CNTNAP2: variants seen among roughly 807,000 people sequenced by gnomAD.
CNTNAP2 encodes contactin associated protein 2.
Under a neutral mutation model 155.2 loss-of-function variants are expected in CNTNAP2, and 98 were observed. That is an observed-to-expected ratio of 0.63 (90% CI 0.54 to 0.75). The LOEUF (loss-of-function observed/expected upper bound fraction) is 0.75, where lower values mean the gene tolerates loss of function less well. Ranked by LOEUF, CNTNAP2 falls within the 30% of genes least tolerant of loss-of-function variation. CNTNAP2 has a pLI of 0.00. For synonymous variants in CNTNAP2, 651 were observed against 631.2 expected (o/e 1.03, Z -0.47); for missense variants, 1,727 against 1,688.1 (o/e 1.02, Z -0.40).
intron 13 of CNTNAP2, among the ~76,000 whole-genome samples, chr7:147,641,813 C>T (rs995309): frequency 0.24 from 36,302 of 151,886 alleles, 4,653 homozygotes; most frequent in Middle Eastern, 0.29. Flanking sequence ...TCTTTCACTT[C>T]CCAGCCTCCA....
intron 14 of CNTNAP2, among the ~76,000 whole-genome samples, chr7:147,929,940 A>G (rs1800467151): frequency 6.6e-6 from 1 of 152,118 alleles, no homozygotes; most frequent in Non-Finnish European, 1.5e-5. Context: ...GCAGTTCACA[A>G]TGGGGCTCAA....
chr7:147,818,713 G>A (rs866718267), intron 13 of CNTNAP2, among the ~76,000 whole-genome samples: 2 of 152,142 alleles, frequency 1.3e-5, no homozygotes, highest in South Asian at 2.1e-4. Flanking sequence ...AAGCTTGTGT[G>A]CACTTTTCCC....
chr7:148,237,398 A>T (rs926335906), intron 20 of CNTNAP2, among the ~76,000 whole-genome samples: 1 of 152,220 alleles, frequency 6.6e-6, no homozygotes, highest in African/African-American at 2.4e-5. Context: ...GAAGGATAAG[A>T]TGTTAACCTG....
intron 13 of CNTNAP2, among the ~76,000 whole-genome samples, chr7:147,888,282 T>C (rs1799632134): frequency 6.6e-6 from 1 of 152,032 alleles, no homozygotes; most frequent in East Asian, 1.9e-4. Flanking sequence ...CAAATAAACA[T>C]TACAGGAATA....
In CNTNAP2 at chr7:147,537,018, A is replaced by G. The variant is rs1228038360; in HGVS notation, c.1778-25120A>G. ...AATCTGACCCTTTTATTAAGATTCA[A>G]CCAGTTTCCTGCCTGCTCTATTCCA... On this transcript the variant is annotated intron_variant, in intron 11 of 23. Transcript: ENST00000361727. 2.0e-5 allele frequency among the ~76,000 whole-genome samples: 3 copies of G among 152,166 alleles called. No homozygotes were observed. In the East Asian group the frequency reaches 5.8e-4, roughly 29 times the overall value.
At chr7:147,664,789 T>G (rs761441848) in intron 13 of CNTNAP2, among the ~76,000 whole-genome samples, 1 of 152,152 alleles carries the variant, frequency 6.6e-6, no homozygotes, top group Non-Finnish European at 1.5e-5. Context: ...CTCTCACTCT[T>G]CCTCTTGCTA....
intron 14 of CNTNAP2, among the ~76,000 whole-genome samples, chr7:147,913,948 CA>C (rs1424088088): frequency 6.6e-6 from 1 of 151,646 alleles, no homozygotes; most frequent in African/African-American, 2.4e-5. Flanking sequence ...GAATTGCCAT[CA>C]AAACTTGAAC....
At chr7:146,342,833 A>G (rs957638105) in intron 1 of CNTNAP2, among the ~76,000 whole-genome samples, 3 of 152,194 alleles carry the variant, frequency 2.0e-5, no homozygotes, top group Admixed American at 6.5e-5. Context: ...ATTTTAGGGT[A>G]AGATATTATT....
chr7:148,021,354 G>A (rs1802276275), intron 15 of CNTNAP2, among the ~76,000 whole-genome samples: 1 of 152,210 alleles, frequency 6.6e-6, no homozygotes, highest in South Asian at 2.1e-4. Flanking sequence ...GGAAGACACA[G>A]TCTTGTAAAC....
chr7:147,889,545 T>TG (rs1799652984), intron 13 of CNTNAP2, among the ~76,000 whole-genome samples: 2 of 152,252 alleles, frequency 1.3e-5, no homozygotes, highest in South Asian at 4.1e-4. Context: ...GCATAAAAAT[T>TG]TCCAAATTAC....
chr7:148,113,472 C>A (rs895670608), intron 15 of CNTNAP2, among the ~76,000 whole-genome samples: 12 of 152,182 alleles, frequency 7.9e-5, no homozygotes, highest in African/African-American at 2.9e-4. Flanking sequence ...TTGGGGGTTA[C>A]AATTAGACAT....
chr7:146,959,212 G>A (rs1362532750), intron 3 of CNTNAP2, among the ~76,000 whole-genome samples: 3 of 151,848 alleles, frequency 2.0e-5, no homozygotes, highest in Non-Finnish European at 2.9e-5. Flanking sequence ...TACAGACAGC[G>A]TTTCACCATA....
chr7:147,063,582 A>G (rs1294385227), intron 4 of CNTNAP2, among the ~76,000 whole-genome samples: 2 of 152,098 alleles, frequency 1.3e-5, no homozygotes, highest in Non-Finnish European at 2.9e-5. Flanking sequence ...CAAGAAAGTA[A>G]AGAATGTCTA....
At chr7:146,949,501 T>A (rs1797265848) in intron 3 of CNTNAP2, among the ~76,000 whole-genome samples, 1 of 152,216 alleles carries the variant, frequency 6.6e-6, no homozygotes, top group Non-Finnish European at 1.5e-5. Context: ...CTTCTGCAGG[T>A]CTTTTTTCCA....
intron 1 of CNTNAP2, among the ~76,000 whole-genome samples, chr7:146,297,816 G>A (rs950787519): frequency 6.6e-6 from 1 of 152,052 alleles, no homozygotes; most frequent in Non-Finnish European, 1.5e-5. Flanking sequence ...GCTCTATCTG[G>A]TAACTTGTTT....
intron 3 of CNTNAP2, among the ~76,000 whole-genome samples, chr7:146,964,023 G>A (rs1288708655): frequency 6.6e-6 from 1 of 152,082 alleles, no homozygotes; most frequent in Non-Finnish European, 1.5e-5. Flanking sequence ...TGAACAACAA[G>A]CCATCTCAAT....
Position 147,137,901 on chromosome 7 carries a change from A to G in CNTNAP2, c.1348+5392A>G, listed in dbSNP as rs180690030. ...GATAGATAGATAGATAGATAGATAG[A>G]TAGATAGATAGATAGGTAGATAGAT... On this transcript the variant is annotated intron_variant, in intron 8 of 23. Transcript: ENST00000361727. 9.0e-3 allele frequency among the ~76,000 whole-genome samples: 1,196 copies of G among 132,292 alleles called. 9 individuals are homozygous for G. Among genetic ancestry groups the G allele is most frequent in the African/African-American group, 0.029 (1,120 of 39,070 alleles). The allele number at this position is 132,292 out of a possible 152,430, so 86.8% of individuals were successfully genotyped here.
At chr7:147,862,509 C>T (rs916079897) in intron 13 of CNTNAP2, among the ~76,000 whole-genome samples, 6 of 152,052 alleles carry the variant, frequency 3.9e-5, no homozygotes, top group Admixed American at 6.6e-5. Context: ...AGAGGGCAGT[C>T]GGGAGAAAAT....
chr7:147,191,153 A>G (rs974023093), intron 8 of CNTNAP2, among the ~76,000 whole-genome samples: 1 of 152,140 alleles, frequency 6.6e-6, no homozygotes, highest in Non-Finnish European at 1.5e-5. Context: ...AGGGTCCAGT[A>G]TATTTCACCC....
Sources: allele counts gnomAD v4.1 joint callset (sites outside exome capture counted in the v4.1 genomes callset), GRCh38; gene constraint gnomAD v4.1.1; transcripts MANE v1.5; gene names NCBI Gene and HGNC (gene_info 2026-07-23, HGNC 2026-07-21).